Variants in CDH13 observed in about 807,000 individuals in gnomAD.
CDH13 encodes cadherin 13, also known as cadherin-13.
In CDH13, 24 loss-of-function variants were observed where a neutral mutation model predicts 63.8. The ratio of observed to expected loss-of-function variants is 0.38; its 90% CI spans 0.27 to 0.53. The LOEUF is 0.53. Among genes scored for constraint, CDH13 ranks in the 20% least tolerant of loss-of-function variants. The probability of loss-of-function intolerance (pLI) is 0.85; values close to 1 mark genes in which losing one functional copy is unlikely to be tolerated. For synonymous variants in CDH13, 503 were observed against 355.3 expected, an observed-to-expected ratio of 1.42 and a Z score of -4.67; for missense variants, 1,049 against 903.1, an observed-to-expected ratio of 1.16 and a Z score of -2.07.
intron 8 of CDH13, among the ~76,000 whole-genome samples, chr16:83,636,426 C>G (rs1376152780): frequency 6.6e-6 from 1 of 152,082 alleles, no homozygotes. Flanking sequence ...AGTTTTTCAA[C>G]CTTTGCTCCT....
intron 6 of CDH13, among the ~76,000 whole-genome samples, chr16:83,439,012 G>T (rs1002326794): frequency 6.6e-6 from 1 of 152,144 alleles, no homozygotes; most frequent in African/African-American, 2.4e-5. Context: ...AGAAAAAAAA[G>T]AAACACTATA....
chr16:82,629,665 A>G (rs1446387492), intron 1 of CDH13, among the ~76,000 whole-genome samples: 1 of 152,154 alleles, frequency 6.6e-6, no homozygotes, highest in Admixed American at 6.5e-5. Context: ...GAAGCCATCA[A>G]TCTCTGTAAG....
At chr16:82,864,534 A>G (rs1359494124) in intron 2 of CDH13, among the ~76,000 whole-genome samples, 2 of 152,160 alleles carry the variant, frequency 1.3e-5, no homozygotes, top group Non-Finnish European at 2.9e-5. Context: ...GGAGCCCCTT[A>G]TAAAACCATC....
At chr16:83,232,712 A>C (rs2040039021) in intron 5 of CDH13, among the ~76,000 whole-genome samples, 1 of 152,114 alleles carries the variant, frequency 6.6e-6, no homozygotes, top group African/African-American at 2.4e-5. Context: ...CTTCCTATAC[A>C]GCCTGCAGAA....
At chr16:83,763,228 A>G (rs1224862991) in intron 11 of CDH13, among the ~76,000 whole-genome samples, 1 of 152,222 alleles carries the variant, frequency 6.6e-6, no homozygotes, top group Non-Finnish European at 1.5e-5. Flanking sequence ...AGACACACAG[A>G]TATAGAACCA....
At position 83,119,706 on chromosome 16, in the gene CDH13, C is replaced by T. The variant is rs547213291; in HGVS notation, c.367-5679C>T. Among the ~76,000 whole-genome samples the T allele has an allele frequency of 8.5e-5, 13 of 152,312 alleles. No individual in the cohort carries two copies. The South Asian group carries it at 2.1e-3, about 24-fold the overall frequency. ...AAATGACAGATGCAAGTACACCACA[C>T]GCACAAACACAGAGAGTTGTCCCGA... On this transcript the variant is annotated intron_variant, in intron 3 of 13. Coordinates refer to ENST00000567109, the MANE Select transcript of CDH13 (RefSeq NM_001257.5).
At chr16:82,992,653 T>C (rs1911785500) in intron 2 of CDH13, among the ~76,000 whole-genome samples, 1 of 152,206 alleles carries the variant, frequency 6.6e-6, no homozygotes, top group Non-Finnish European at 1.5e-5. Context: ...AAGACATTTT[T>C]TAAAAGCAAA....
At chr16:83,136,186 AAAAG>A (rs2036275319) in intron 4 of CDH13, among the ~76,000 whole-genome samples, 1 of 151,926 alleles carries the variant, frequency 6.6e-6, no homozygotes, top group African/African-American at 2.4e-5. Flanking sequence ...AAAAAAAAAA[AAAAG>A]AAATAGACTT....
intron 12 of CDH13, among the ~76,000 whole-genome samples, chr16:83,781,389 G>A (rs539731993): frequency 6.4e-4 from 97 of 152,288 alleles, no homozygotes; most frequent in Non-Finnish European, 1.2e-3. Context: ...TGTTGACCCC[G>A]TCAGGGTTCC....
intron 4 of CDH13, among the ~76,000 whole-genome samples, chr16:83,147,516 C>A (rs1472586918): frequency 6.6e-6 from 1 of 152,224 alleles, no homozygotes; most frequent in Non-Finnish European, 1.5e-5. Context: ...ACAGCCCCTG[C>A]CACTTCCTCC....
chr16:82,668,461 C>G (rs777423841), intron 1 of CDH13, among the ~76,000 whole-genome samples: 1 of 152,054 alleles, frequency 6.6e-6, no homozygotes, highest in Non-Finnish European at 1.5e-5. Context: ...AAAGGGGGGA[C>G]AGTTATAATA....
intron 2 of CDH13, among the ~76,000 whole-genome samples, chr16:82,911,961 G>T (rs2041845403): frequency 6.6e-6 from 1 of 151,862 alleles, no homozygotes; most frequent in Admixed American, 6.6e-5. Flanking sequence ...CTCCTCTCCT[G>T]AACCTCATGT....
intron 8 of CDH13, among the ~76,000 whole-genome samples, chr16:83,622,162 C>T (rs2150779365): frequency 6.6e-6 from 1 of 152,328 alleles, no homozygotes. Flanking sequence ...ATTCTCACAA[C>T]AGCCCTATGA....
rs542728985 is a variant in CDH13 at position 82,693,270 on chromosome 16, G to A, written c.45+66133G>A. On this transcript the variant is annotated intron_variant, in intron 1 of 13. Transcript: ENST00000567109. ...TTCCTGACCCAGTTAACCCATGGTT[G>A]AATAAGTACCTCTTTATTTTAAGCT... Among the ~76,000 whole-genome samples the A allele has an allele frequency of 4.6e-4, 70 of 152,314 alleles. No individual in the cohort carries two copies. The South Asian group carries it at 0.012, about 27-fold the overall frequency.
At chr16:83,238,450 G>A (rs1232623486) in intron 5 of CDH13, among the ~76,000 whole-genome samples, 1 of 152,172 alleles carries the variant, frequency 6.6e-6, no homozygotes, top group Non-Finnish European at 1.5e-5. Context: ...CTCCCACCAG[G>A]TCACTCCCAT....
intron 1 of CDH13, among the ~76,000 whole-genome samples, chr16:82,648,068 G>A (rs117470249): frequency 2.6e-4 from 40 of 152,194 alleles, no homozygotes; most frequent in South Asian, 1.7e-3. Flanking sequence ...CTCCTCCTTC[G>A]TCTTCCACTG....
intron 8 of CDH13, chr16:83,655,124 C>T (rs990376990): frequency 2.7e-4 from 41 of 152,248 alleles, no homozygotes; most frequent in African/African-American, 9.9e-4. Flanking sequence ...TTGTTGAACA[C>T]ACTGAGTGAT....
chr16:82,802,751 C>A (rs1021286649), intron 1 of CDH13, among the ~76,000 whole-genome samples: 4 of 152,134 alleles, frequency 2.6e-5, no homozygotes, highest in Non-Finnish European at 1.5e-5. Flanking sequence ...AACAGCAACC[C>A]TTACCAGAAT....
At chr16:83,370,746 C>T (rs946518740) in intron 6 of CDH13, among the ~76,000 whole-genome samples, 1 of 152,170 alleles carries the variant, frequency 6.6e-6, no homozygotes, top group African/African-American at 2.4e-5. Flanking sequence ...TTCTTTGTTA[C>T]TTTGCTTAGG....
Sources: gnomAD v4.1 joint callset for allele counts (sites outside exome capture counted in the v4.1 genomes callset) on GRCh38, gnomAD v4.1.1 for gene constraint, MANE v1.5 for transcripts, NCBI Gene and HGNC (gene_info 2026-07-23, HGNC 2026-07-21) for gene names.